SDK1: variants seen among roughly 807,000 people sequenced by gnomAD.
The protein encoded by SDK1 is protein sidekick-1.
Under a neutral mutation model 245.5 loss-of-function variants are expected in SDK1, and 157 were observed. The observed-to-expected ratio is 0.64, with a 90% confidence interval of 0.56 to 0.73. SDK1 has a LOEUF of 0.73. SDK1 is among the 30% of genes least tolerant of loss of function. The pLI is 0.00. For synonymous variants in SDK1, 1,647 were observed against 1,278.5 expected (o/e 1.29, Z -6.15); for missense variants, 3,583 against 3,002.3 (o/e 1.19, Z -4.52).
intron 5 of SDK1, among the ~76,000 whole-genome samples, chr7:3,866,229 C>A (rs1011375524): frequency 2.8e-4 from 42 of 152,284 alleles, no homozygotes; most frequent in African/African-American, 9.9e-4. Flanking sequence ...CTTATGCATT[C>A]ATTACTTCAA....
intron 1 of SDK1, among the ~76,000 whole-genome samples, chr7:3,535,889 T>C (rs1488036212): frequency 6.6e-6 from 1 of 152,182 alleles, no homozygotes; most frequent in African/African-American, 2.4e-5. Flanking sequence ...TATATCATTT[T>C]TTCTCACATC....
At chr7:4,101,259 A>T in intron 22 of SDK1, among the ~76,000 whole-genome samples, 1 of 150,380 alleles carries the variant, frequency 6.6e-6, no homozygotes, top group Non-Finnish European at 1.5e-5. Context: ...CTCCTGCCTC[A>T]GCCTCCTGAA....
chr7:3,375,943 A>G (rs1486870937), intron 1 of SDK1, among the ~76,000 whole-genome samples: 1 of 152,238 alleles, frequency 6.6e-6, no homozygotes, highest in Middle Eastern at 3.2e-3. Flanking sequence ...GCAATAAGTA[A>G]CTGATCAGAT....
At chr7:4,083,348 C>T (rs538562435) in intron 22 of SDK1, among the ~76,000 whole-genome samples, 3 of 152,170 alleles carry the variant, frequency 2.0e-5, no homozygotes, top group South Asian at 4.2e-4. Flanking sequence ...GAATCCCCCA[C>T]TCTTTTCCCC....
At chr7:3,881,279 T>C (rs1781202944) in intron 5 of SDK1, among the ~76,000 whole-genome samples, 1 of 151,972 alleles carries the variant, frequency 6.6e-6, no homozygotes, top group African/African-American at 2.4e-5. Flanking sequence ...GGCCCCCCAG[T>C]GTGTGTTGTT....
At chr7:3,820,024 G>C (rs1779604984) in intron 4 of SDK1, among the ~76,000 whole-genome samples, 1 of 152,156 alleles carries the variant, frequency 6.6e-6, no homozygotes, top group African/African-American at 2.4e-5. Context: ...ACTCACTCTA[G>C]AGACCTAAGA....
chr7:3,677,114 A>C (rs1783925652), intron 4 of SDK1, among the ~76,000 whole-genome samples: 1 of 152,152 alleles, frequency 6.6e-6, no homozygotes, highest in Admixed American at 6.5e-5. Flanking sequence ...TCCTTTTCTT[A>C]GTGAAGACTT....
chr7:3,761,160 C>A (rs937789193), intron 4 of SDK1, among the ~76,000 whole-genome samples: 1 of 150,596 alleles, frequency 6.6e-6, no homozygotes, highest in Non-Finnish European at 1.5e-5. Context: ...TCCAGGTGAG[C>A]GTGTGGATTG....
intron 31 of SDK1, among the ~76,000 whole-genome samples, chr7:4,160,817 C>A (rs182190346): frequency 6.6e-6 from 1 of 152,026 alleles, no homozygotes; most frequent in African/African-American, 2.4e-5. Flanking sequence ...TAAAACAGAA[C>A]GGGGAAGGTG....
At chr7:3,947,100 A>T (rs915891709) in intron 5 of SDK1, among the ~76,000 whole-genome samples, 1 of 152,114 alleles carries the variant, frequency 6.6e-6, no homozygotes, top group Non-Finnish European at 1.5e-5. Flanking sequence ...TCCAAACAGT[A>T]TGTGTAGGCC....
intron 1 of SDK1, among the ~76,000 whole-genome samples, chr7:3,354,541 A>C (rs776829836): frequency 3.3e-5 from 5 of 152,250 alleles, no homozygotes; most frequent in Non-Finnish European, 5.9e-5. Flanking sequence ...AATTGTAAGA[A>C]TATTTTGTGG....
rs10630472 is a variant in SDK1, at chr7:3,974,183, CA to C, written c.1818-169del. Among the ~76,000 whole-genome samples, 634 of 104,358 alleles carry C rather than the reference CA, an allele frequency of 6.1e-3. 1 individual carries two copies. Among genetic ancestry groups the C allele is most frequent in the African/African-American group, 0.016 (457 of 28,586 alleles). The allele number at this position is 104,358 out of a possible 152,430, so 68.5% of individuals were successfully genotyped here. On this transcript the variant is annotated intron_variant, in intron 12 of 44. Transcript: ENST00000404826. Reference sequence around the variant, plus strand: ...TGGGCCACACAGCAAGACTCTGTCTCAAAAAAAAAAAAAAAAAGAAAGAAAG... The same window carrying C: ...TGGGCCACACAGCAAGACTCTGTCTCAAAAAAAAAAAAAAAAGAAAGAAAG...
At chr7:3,665,949 A>G (rs13247619) in intron 4 of SDK1, among the ~76,000 whole-genome samples, 32,074 of 150,972 alleles carry the variant, frequency 0.21, 4,211 homozygotes, top group Non-Finnish European at 0.3. Flanking sequence ...CCATCTTCCC[A>G]CAATTTCTCG....
chr7:3,334,325 A>G (rs935494305), intron 1 of SDK1, among the ~76,000 whole-genome samples: 3 of 152,156 alleles, frequency 2.0e-5, no homozygotes, highest in South Asian at 2.1e-4. Flanking sequence ...TTCTCATTCT[A>G]CGCTGGCCTC....
chr7:3,506,385 CTTTG>C (rs1355945312), intron 1 of SDK1, among the ~76,000 whole-genome samples: 6 of 151,968 alleles, frequency 3.9e-5, no homozygotes, highest in Non-Finnish European at 5.9e-5. Context: ...TATTTTTTCC[CTTTG>C]TTTGCTTCTA....
intron 5 of SDK1, among the ~76,000 whole-genome samples, chr7:3,852,583 T>TA (rs1415552764): frequency 6.6e-6 from 1 of 150,732 alleles, no homozygotes; most frequent in Non-Finnish European, 1.5e-5. Context: ...CCGTCTCTAC[T>TA]AAAAAATACA....
chr7:3,651,729 G>A (rs979786880), intron 4 of SDK1, among the ~76,000 whole-genome samples: 2 of 152,198 alleles, frequency 1.3e-5, no homozygotes, highest in African/African-American at 4.8e-5. Flanking sequence ...ATATTATGGT[G>A]TAACTGCAGA....
At chr7:3,723,900 ATACACGTACATATATATATACACG>A (rs1311471894) in intron 4 of SDK1, among the ~76,000 whole-genome samples, 42 of 131,718 alleles carry the variant, frequency 3.2e-4, no homozygotes, top group East Asian at 6.1e-4. Flanking sequence ...ACACGTGTAT[ATACACGTACATATATATATACACG>A]TATATATATA....
intron 4 of SDK1, among the ~76,000 whole-genome samples, chr7:3,671,315 A>G (rs1783694435): frequency 6.6e-6 from 1 of 152,232 alleles, no homozygotes; most frequent in African/African-American, 2.4e-5. Flanking sequence ...ATCGGCCTCT[A>G]CATTGTGTGA....
Sources: gnomAD v4.1 joint callset for allele counts (sites outside exome capture counted in the v4.1 genomes callset) on GRCh38, gnomAD v4.1.1 for gene constraint, MANE v1.5 for transcripts, NCBI Gene and HGNC (gene_info 2026-07-23, HGNC 2026-07-21) for gene names.